TRMT13: variants seen among roughly 807,000 people sequenced by gnomAD.
TRMT13 encodes the protein tRNA methyltransferase 13.
A neutral mutation model predicts 55.9 loss-of-function variants in TRMT13; 45 were observed. That is an observed-to-expected ratio of 0.80 (90% CI 0.63 to 1.03). TRMT13 has a LOEUF of 1.03. Ranked by LOEUF, TRMT13 falls within the 50% of genes least tolerant of loss-of-function variation. TRMT13 has a pLI of 0.00. For synonymous variants in TRMT13, 183 were observed against 196.3 expected (o/e 0.93, Z 0.57); for missense variants, 513 against 563.9 (o/e 0.91, Z 0.91).
intron 3 of TRMT13, among the ~76,000 whole-genome samples, chr1:100,137,423 G>A (rs1250248365): frequency 6.6e-6 from 1 of 152,040 alleles, no homozygotes. Flanking sequence ...GTCTCGAACT[G>A]CTGGTGTCAA....
chr1:100,146,328 C>T (rs999164733), intron 9 of TRMT13, among the ~76,000 whole-genome samples: 13 of 152,216 alleles, frequency 8.5e-5, no homozygotes, highest in African/African-American at 2.9e-4. Context: ...ATACTTAGTA[C>T]GATGCTTGCT....
At chr1:100,139,894 A>C (rs1259609360) in intron 4 of TRMT13, among the ~76,000 whole-genome samples, 183 bp downstream of exon 4, 1 of 152,238 alleles carries the variant, frequency 6.6e-6, no homozygotes, top group African/African-American at 2.4e-5. Context: ...GCCCCATAAC[A>C]AAAGAAGCTA....
At chr1:100,144,446 A>G (rs1656982952) in intron 9 of TRMT13, 1 of 197,602 alleles carries the variant, frequency 5.1e-6, no homozygotes, top group African/African-American at 2.3e-5. Context: ...AAACTGTATG[A>G]TTCCACCTAG....
rs1197332287 is a variant in TRMT13, at chr1:100,150,291, T to C, written c.*1471T>C. On this transcript the variant is annotated 3_prime_UTR_variant, in exon 11 of 11. Transcript: ENST00000370141. ...ATTATCTCTTTAAGTTGTTAACTTT[T>C]TTCCCTTGTTATAAGTTTTATGTCA... The C allele has an allele frequency of 6.6e-6, 1 of 152,232 alleles. No individual in the cohort carries two copies. Among genetic ancestry groups the C allele is most frequent in the Non-Finnish European group, 1.5e-5 (1 of 68,044 alleles). The allele number at this position is 152,232 out of a possible 1,614,324, so 9.4% of individuals were successfully genotyped here.
Position 100,148,707 on chromosome 1 carries a change from C to T in TRMT13, c.1333C>T (p.Gln445Ter), listed in dbSNP as rs779839794. 2 of 1,613,254 alleles carry T rather than the reference C, an allele frequency of 1.2e-6. No homozygotes were observed. The highest frequency in any genetic ancestry group is 1.1e-5 in the South Asian group (1 of 90,904). The change falls in exon 11 of 11, where the codon CAG becomes TAG. Residue 445 changes from glutamine to a stop codon, truncating the protein, a stop_gained. Transcript: ENST00000370141. LOFTEE classifies it high-confidence loss of function. ...CCAAGGTCGAATCCAGTATTTGCAG[C>T]AGAAGGGATTCAGTCCTGCTTTGCA... is the stretch of plus-strand genomic sequence containing the variant. ...IDQGRIQYLQ[Q>*]KGFSPALQYY...
At chr1:100,138,495 A>C (rs1475132073) in intron 3 of TRMT13, among the ~76,000 whole-genome samples, 1 of 152,072 alleles carries the variant, frequency 6.6e-6, no homozygotes, top group Non-Finnish European at 1.5e-5. Flanking sequence ...AAACATTGTA[A>C]TTCCTGCAGT....
intron 9 of TRMT13, 27 bp from the exon 10 acceptor site, chr1:100,147,866 TG>T (rs201138142): frequency 3.3e-5 from 51 of 1,550,194 alleles, no homozygotes; most frequent in Middle Eastern, 1.7e-4. Flanking sequence ...TGATGTGGTT[TG>T]GGGGGGCCAC....
rs900767686 is a variant in TRMT13, at chr1:100,149,346, CAATT to C, written c.*534_*537del. On this transcript the variant is annotated 3_prime_UTR_variant, in exon 11 of 11. Coordinates refer to ENST00000370141, the MANE Select transcript of TRMT13 (RefSeq NM_019083.3). ...CAGAGATATTCACAATTAATAAACACAATTAATTAATGAAGTCACCTTCAAATTT... is the reference window on the plus strand; with the variant it reads ...CAGAGATATTCACAATTAATAAACACAATTAATGAAGTCACCTTCAAATTT... The C allele has an allele frequency of 3.2e-6, 5 of 1,542,094 alleles. No homozygotes were observed. In the South Asian group the frequency reaches 3.7e-5, roughly 11 times the overall value.
Position 100,149,400 on chromosome 1 carries a change from T to G in TRMT13, c.*580T>G, listed in dbSNP as rs1292757350. On this transcript the variant is annotated 3_prime_UTR_variant, in exon 11 of 11. Coordinates refer to ENST00000370141, the MANE Select transcript of TRMT13 (RefSeq NM_019083.3). ...TCCAGAGCCATACATGTATATATTG[T>G]CAGAATCTGTCCATGACAAACACAA... 6.5e-7 allele frequency: 1 copy of G among 1,545,722 alleles called. No homozygotes were observed. The highest frequency in any genetic ancestry group is 1.4e-5 in the African/African-American group (1 of 72,900).
chr1:100,136,587 A>G (rs1655909260), intron 1 of TRMT13, among the ~76,000 whole-genome samples: 1 of 152,230 alleles, frequency 6.6e-6, no homozygotes, highest in South Asian at 2.1e-4. Context: ...AGTCATACAT[A>G]TAATAGTTGA....
chr1:100,144,724 A>C (rs1657018577), intron 9 of TRMT13, among the ~76,000 whole-genome samples: 1 of 152,164 alleles, frequency 6.6e-6, no homozygotes, highest in African/African-American at 2.4e-5. Context: ...AGCTTTGGTT[A>C]CCTCATCTAT....
In TRMT13 at chr1:100,140,402, G is replaced by A. The variant is rs760089360; in HGVS notation, c.395-6G>A. 3.2e-5 allele frequency: 52 copies of A among 1,610,520 alleles called. No homozygotes were observed. The South Asian group carries it at 3.3e-4, about 10-fold the overall frequency. ...GCTTAAGCTGTTGTGCTTATATTTG[G>A]CACAGGCTTGAATTCTACACTTAAA... On this transcript the variant is annotated splice_polypyrimidine_tract_variant and splice_region_variant and intron_variant, in intron 5 of 10. Transcript: ENST00000370141.
intron 4 of TRMT13, 111 bp downstream of exon 4, chr1:100,139,822 G>A: frequency 1.4e-6 from 1 of 697,786 alleles, no homozygotes; most frequent in South Asian, 2.0e-5. Flanking sequence ...AATTTAGAAT[G>A]CATTTTCCTG....
chr1:100,149,248 T>A lies in TRMT13; in HGVS notation c.*428T>A. Reference sequence around the variant, plus strand: ...TTGTAACAAGGGCCAATCTGAGAATTTGACTTATATGTGGACATTTTTCCC... The same window carrying A: ...TTGTAACAAGGGCCAATCTGAGAATATGACTTATATGTGGACATTTTTCCC... On this transcript the variant is annotated 3_prime_UTR_variant, in exon 11 of 11. Transcript: ENST00000370141. 1 of 1,506,794 alleles carries A rather than the reference T, an allele frequency of 6.6e-7. No individual in the cohort carries two copies. The highest frequency in any genetic ancestry group is 8.8e-7 in the Non-Finnish European group (1 of 1,133,954). 93.3% of individuals were successfully genotyped at this position (1,506,794 alleles called of 1,614,324 possible).
intron 4 of TRMT13, 78 bp downstream of exon 4, chr1:100,139,789 AT>A: frequency 1.1e-6 from 1 of 925,740 alleles, no homozygotes; most frequent in Non-Finnish European, 1.6e-6. Context: ...GCATGTTCTA[AT>A]TTTTGTCTCA....
intron 1 of TRMT13, among the ~76,000 whole-genome samples, chr1:100,136,562 G>T (rs1227439089): frequency 2.0e-5 from 3 of 151,742 alleles, no homozygotes; most frequent in Non-Finnish European, 4.4e-5. Flanking sequence ...TTTCTTTCTT[G>T]GTTGTGCATA....
chr1:100,142,846 G>T, intron 7 of TRMT13: 1 of 343,900 alleles, frequency 2.9e-6, no homozygotes, highest in Non-Finnish European at 5.3e-6. Context: ...AAAGGAGCTA[G>T]TAGACAATCT....
chr1:100,133,454 G>C (rs1326290487), intron 1 of TRMT13, 139 bp downstream of exon 1: 1 of 1,079,218 alleles, frequency 9.3e-7, no homozygotes, highest in Non-Finnish European at 1.3e-6. Context: ...AATAAACCCA[G>C]TTTTGCCCTC....
At chr1:100,142,546 G>GTGA (rs927655897) in intron 7 of TRMT13, among the ~76,000 whole-genome samples, 1 of 152,146 alleles carries the variant, frequency 6.6e-6, no homozygotes, top group African/African-American at 2.4e-5. Flanking sequence ...TATGGCTTAG[G>GTGA]TGACTAAGTG....
Sources: gnomAD v4.1 joint callset for allele counts (sites outside exome capture counted in the v4.1 genomes callset) on GRCh38, gnomAD v4.1.1 for gene constraint, MANE v1.5 for transcripts, NCBI Gene and HGNC (gene_info 2026-07-23, HGNC 2026-07-21) for gene names.